HDX: variants seen among roughly 807,000 people sequenced by gnomAD.
HDX encodes highly divergent homeobox.
Under a neutral mutation model 45.2 loss-of-function variants are expected in HDX, and 19 were observed. The observed-to-expected ratio is 0.42, with a 90% confidence interval of 0.29 to 0.62. The LOEUF is 0.62. Among genes scored for constraint, HDX ranks in the 20% least tolerant of loss-of-function variants. The pLI, the probability that HDX is intolerant of heterozygous loss-of-function variation, is 0.20. For synonymous variants in HDX, 188 were observed against 172.8 expected (o/e 1.09, Z -0.69); for missense variants, 532 against 493.9 (o/e 1.08, Z -0.73).
intron 5 of HDX, among the ~76,000 whole-genome samples, chrX:84,430,238 TA>T (rs1385102370): frequency 9.0e-6 from 1 of 111,086 alleles, no homozygotes; most frequent in African/African-American, 3.3e-5. Context: ...TTACTTTTTT[TA>T]GCTTTCAAAT....
At chrX:84,450,337 G>A (rs747807579) in intron 4 of HDX, among the ~76,000 whole-genome samples, 10 of 111,252 alleles carry the variant, frequency 9.0e-5, no homozygotes, top group Non-Finnish European at 1.9e-4. Flanking sequence ...TAGACTGACA[G>A]TAAAGGGATG....
At chrX:84,418,642 A>G (rs181132182) in intron 5 of HDX, among the ~76,000 whole-genome samples, 1 of 98,393 alleles carries the variant, frequency 1.0e-5, no homozygotes, top group East Asian at 2.8e-4. Context: ...GTTCAAAAAC[A>G]AAAAAAATAG....
chrX:84,376,394 C>T (rs552966810), intron 5 of HDX, among the ~76,000 whole-genome samples: 1 of 111,558 alleles, frequency 9.0e-6, no homozygotes, highest in South Asian at 3.8e-4. Flanking sequence ...ATCTTAGGTA[C>T]CAGCATGGCC....
At chrX:84,459,484 A>G (rs1163510222) in intron 4 of HDX, among the ~76,000 whole-genome samples, 2 of 111,019 alleles carry the variant, frequency 1.8e-5, no homozygotes, top group Non-Finnish European at 3.8e-5. Context: ...AATATTTAAA[A>G]ATTTCTCAAA....
chrX:84,384,989 G>A (rs1379329456), intron 5 of HDX, among the ~76,000 whole-genome samples: 1 of 109,553 alleles, frequency 9.1e-6, no homozygotes, highest in Non-Finnish European at 1.9e-5. Context: ...CTTTTTCTTA[G>A]ATTTGCCCTT....
At chrX:84,353,298 A>G (rs959881002) in intron 6 of HDX, among the ~76,000 whole-genome samples, 1 of 111,247 alleles carries the variant, frequency 9.0e-6, no homozygotes, top group Non-Finnish European at 1.9e-5. Context: ...ACTCCAAATT[A>G]ACGTGTTAAA....
chrX:84,446,815 T>C (rs899431634), intron 4 of HDX, among the ~76,000 whole-genome samples: 2 of 112,367 alleles, frequency 1.8e-5, no homozygotes, highest in Admixed American at 1.9e-4. Context: ...TTATTTGCCT[T>C]GTTGCACCCT....
chrX:84,354,999 A>G (rs1711540093), intron 6 of HDX, among the ~76,000 whole-genome samples: 2 of 100,141 alleles, frequency 2.0e-5, no homozygotes, highest in South Asian at 9.6e-4. Context: ...ACGCACACAC[A>G]CACACATATA....
chrX:84,413,345 C>T (rs1308170360), intron 5 of HDX, among the ~76,000 whole-genome samples: 3 of 111,633 alleles, frequency 2.7e-5, no homozygotes, highest in Non-Finnish European at 3.8e-5. Context: ...CTTTAATTCC[C>T]TTGAGTGTTT....
At chrX:84,361,227 T>C (rs909519732) in intron 6 of HDX, among the ~76,000 whole-genome samples, 1 of 111,966 alleles carries the variant, frequency 8.9e-6, no homozygotes, top group African/African-American at 3.2e-5. Context: ...TATCTATTCA[T>C]TTCCTTTGCC....
chrX:84,495,086 G>T (rs1279233619), intron 1 of HDX, among the ~76,000 whole-genome samples: 1 of 109,894 alleles, frequency 9.1e-6, no homozygotes, highest in Non-Finnish European at 1.9e-5. Flanking sequence ...AGTGAAATAA[G>T]CCAGGCACAG....
At chrX:84,436,858 G>A (rs763659705) in intron 5 of HDX, among the ~76,000 whole-genome samples, 16 of 109,047 alleles carry the variant, frequency 1.5e-4, no homozygotes, top group Admixed American at 3.0e-4. Context: ...CCATGGTGCA[G>A]TTTAAATGCA....
chrX:84,495,751 CT>C (rs997550679), intron 1 of HDX, among the ~76,000 whole-genome samples: 5 of 111,343 alleles, frequency 4.5e-5, no homozygotes, highest in African/African-American at 1.6e-4. Flanking sequence ...AAAAATTTTG[CT>C]TTTGTTTTTG....
At chrX:84,402,151 G>T (rs993957611) in intron 5 of HDX, among the ~76,000 whole-genome samples, 3 of 111,405 alleles carry the variant, frequency 2.7e-5, no homozygotes, top group Non-Finnish European at 5.7e-5. Flanking sequence ...CATGACACAT[G>T]TATACCTATG....
intron 7 of HDX, among the ~76,000 whole-genome samples, chrX:84,342,425 G>A (rs1026144136): frequency 1.8e-5 from 2 of 111,165 alleles, no homozygotes; most frequent in Admixed American, 9.7e-5. Context: ...TAAAGCCAAA[G>A]TTGTAAACTG....
intron 6 of HDX, among the ~76,000 whole-genome samples, chrX:84,356,521 A>T (rs2037487302): frequency 9.0e-6 from 1 of 110,581 alleles, no homozygotes; most frequent in Admixed American, 9.6e-5. Context: ...CAAAGGGGGA[A>T]CTGATGTTAA....
chrX:84,381,896 C>T (rs1353155615), intron 5 of HDX, among the ~76,000 whole-genome samples: 1 of 110,668 alleles, frequency 9.0e-6, no homozygotes, highest in Non-Finnish European at 1.9e-5. Context: ...ACAAAGAAAA[C>T]AACAAAATGA....
At chrX:84,498,576 C>T (rs1229225493) in intron 1 of HDX, among the ~76,000 whole-genome samples, 2 of 111,605 alleles carry the variant, frequency 1.8e-5, no homozygotes, top group Non-Finnish European at 3.8e-5. Flanking sequence ...TTTATTTATT[C>T]TGTTGGAGAT....
At chrX:84,450,391 G>C (rs1485633801) in intron 4 of HDX, among the ~76,000 whole-genome samples, 1 of 111,303 alleles carries the variant, frequency 9.0e-6, no homozygotes, top group Non-Finnish European at 1.9e-5. Context: ...AAGAGCAGGA[G>C]TAGCAATACT....
Sources: allele counts gnomAD v4.1 joint callset (sites outside exome capture counted in the v4.1 genomes callset), GRCh38; gene constraint gnomAD v4.1.1; transcripts MANE v1.5; gene names NCBI Gene and HGNC (gene_info 2026-07-23, HGNC 2026-07-21).